Variants in RORA observed in about 807,000 individuals in gnomAD.
RORA encodes the protein RAR related orphan receptor A, also known as nuclear receptor ROR-alpha.
In RORA, 7 loss-of-function variants were observed where a neutral mutation model predicts 69.5. That is an observed-to-expected ratio of 0.10 (90% CI 0.06 to 0.19). RORA has a LOEUF of 0.19. Among genes scored for constraint, RORA ranks in the 10% least tolerant of loss-of-function variants. The pLI is 1.00. For missense variants in RORA, 457 were observed against 663.0 expected (o/e 0.69, Z 3.41); for synonymous variants, 261 against 240.8 (o/e 1.08, Z -0.78).
intron 3 of RORA, among the ~76,000 whole-genome samples, chr15:60,527,068 G>T (rs563831637): frequency 1.3e-5 from 2 of 152,302 alleles, no homozygotes; most frequent in East Asian, 3.9e-4. Flanking sequence ...GTATTGATTG[G>T]TAAGTGTATA....
rs1293177546 is a variant in RORA at position 60,521,278 on chromosome 15, C to T, written c.283-6521G>A. Among the ~76,000 whole-genome samples the T allele has an allele frequency of 5.4e-5, 8 of 149,368 alleles. No individual in the cohort carries two copies. In the East Asian group the frequency reaches 7.8e-4, roughly 14 times the overall value. On this transcript the variant is annotated intron_variant, in intron 3 of 10. Transcript: ENST00000335670. The stretch of plus-strand genomic sequence containing the variant: ...TTTTTTTTGAGACGGAGTCTTGGTC[C>T]GTCACCAGGCTGGAGTGCAGTGGCA...
chr15:61,211,435 AGGCCTTCCC>A (rs2079990946), intron 1 of RORA, among the ~76,000 whole-genome samples: 1 of 152,208 alleles, frequency 6.6e-6, no homozygotes, highest in East Asian at 1.9e-4. Context: ...TGGCATCCCA[AGGCCTTCCC>A]ACTGTCAGAT....
chr15:61,062,403 C>T (rs1398802194), intron 1 of RORA, among the ~76,000 whole-genome samples: 2 of 152,194 alleles, frequency 1.3e-5, no homozygotes, highest in Admixed American at 6.5e-5. Flanking sequence ...CTGCAGCCTG[C>T]CTCTCTGTGC....
chr15:61,089,851 G>C (rs1699038081), intron 1 of RORA, among the ~76,000 whole-genome samples: 1 of 150,910 alleles, frequency 6.6e-6, no homozygotes, highest in Non-Finnish European at 1.5e-5. Flanking sequence ...TCATCAAGCT[G>C]TTGGCAAATA....
At chr15:61,103,072 C>T (rs2140756088) in intron 1 of RORA, among the ~76,000 whole-genome samples, 1 of 152,368 alleles carries the variant, frequency 6.6e-6, no homozygotes, top group Non-Finnish European at 1.5e-5. Context: ...ACGTTCCTAT[C>T]TCCCGTATTC....
At chr15:60,684,212 C>T (rs2070702802) in intron 1 of RORA, among the ~76,000 whole-genome samples, 1 of 152,076 alleles carries the variant, frequency 6.6e-6, no homozygotes, top group African/African-American at 2.4e-5. Context: ...TGCCACTCTG[C>T]CACTTTGCCA....
chr15:60,868,569 T>C (rs1197316882), intron 1 of RORA, among the ~76,000 whole-genome samples: 1 of 152,148 alleles, frequency 6.6e-6, no homozygotes, highest in Non-Finnish European at 1.5e-5. Flanking sequence ...CCTGCCTGTG[T>C]GGCTACTGTG....
chr15:60,494,748 C>G lies in RORA; in HGVS notation c.*2707G>C, dbSNP rs1457444099. 1 of 152,178 alleles carries G rather than the reference C, an allele frequency of 6.6e-6. No homozygotes were observed. The highest frequency in any genetic ancestry group is 1.5e-5 in the Non-Finnish European group (1 of 68,036). The allele number at this position is 152,178 out of a possible 1,614,324, so 9.4% of individuals were successfully genotyped here. ...ACCGCTGCTTTTCTTTCAGAAACACCTGGGAAGAAGCATCATATTACCTAT... is the reference window on the plus strand; with the variant it reads ...ACCGCTGCTTTTCTTTCAGAAACACGTGGGAAGAAGCATCATATTACCTAT... On this transcript the variant is annotated 3_prime_UTR_variant, in exon 11 of 11. Coordinates refer to ENST00000335670, the MANE Select transcript of RORA (RefSeq NM_134261.3).
intron 1 of RORA, among the ~76,000 whole-genome samples, chr15:60,779,295 T>C (rs934770750): frequency 6.6e-6 from 1 of 152,120 alleles, no homozygotes; most frequent in African/African-American, 2.4e-5. Context: ...CTCTTATCTT[T>C]TTGCATCCTC....
intron 1 of RORA, among the ~76,000 whole-genome samples, chr15:60,832,118 T>C (rs563870983): frequency 3.3e-5 from 5 of 152,352 alleles, no homozygotes; most frequent in East Asian, 1.9e-4. Context: ...CCTTCTTCCA[T>C]AGCCAGAATA....
At chr15:61,159,350 G>A (rs2079474104) in intron 1 of RORA, among the ~76,000 whole-genome samples, 1 of 152,136 alleles carries the variant, frequency 6.6e-6, no homozygotes, top group African/African-American at 2.4e-5. Flanking sequence ...TTTAACCTGA[G>A]AGATAAAATT....
At chr15:60,843,456 T>A (rs1422367293) in intron 1 of RORA, among the ~76,000 whole-genome samples, 2 of 151,924 alleles carry the variant, frequency 1.3e-5, no homozygotes, top group African/African-American at 4.8e-5. Context: ...CCAAGGCCTT[T>A]TCTCCCAGGC....
At chr15:61,045,442 T>G (rs1481197965) in intron 1 of RORA, among the ~76,000 whole-genome samples, 2 of 152,314 alleles carry the variant, frequency 1.3e-5, no homozygotes, top group East Asian at 1.9e-4. Context: ...GTTAAGCACT[T>G]TAATGACTGA....
At chr15:60,931,718 T>C (rs1473467848) in intron 1 of RORA, among the ~76,000 whole-genome samples, 1 of 152,154 alleles carries the variant, frequency 6.6e-6, no homozygotes, top group Non-Finnish European at 1.5e-5. Flanking sequence ...CATAAGCAAA[T>C]GTAAGGGCAG....
At chr15:61,008,936 C>A (rs528728227) in intron 1 of RORA, among the ~76,000 whole-genome samples, 1 of 152,114 alleles carries the variant, frequency 6.6e-6, no homozygotes, top group Non-Finnish European at 1.5e-5. Context: ...TAGAAAGACA[C>A]GGGGCATAGA....
chr15:61,222,369 A>G (rs1386508905), intron 1 of RORA, among the ~76,000 whole-genome samples: 6 of 152,178 alleles, frequency 3.9e-5, no homozygotes, highest in African/African-American at 9.7e-5. Context: ...TATGTTAGGA[A>G]AAAAAAATTG....
chr15:61,102,698 A>C (rs2078896752), intron 1 of RORA, among the ~76,000 whole-genome samples: 2 of 152,160 alleles, frequency 1.3e-5, no homozygotes, highest in South Asian at 4.1e-4. Flanking sequence ...ACAATCACTC[A>C]ACCTGCTCTT....
chr15:61,214,904 C>T (rs1432099500), intron 1 of RORA, among the ~76,000 whole-genome samples: 1 of 130,986 alleles, frequency 7.6e-6, no homozygotes, highest in Non-Finnish European at 1.5e-5. Context: ...CTTGCTGTGT[C>T]CCCAGGCTGG....
intron 4 of RORA, among the ~76,000 whole-genome samples, chr15:60,512,768 A>G (rs560367593): frequency 6.6e-6 from 1 of 152,328 alleles, no homozygotes; most frequent in South Asian, 2.1e-4. Context: ...TTTAAAGTGG[A>G]GCAGTCACTA....
Sources: gnomAD v4.1 joint callset for allele counts (sites outside exome capture counted in the v4.1 genomes callset) on GRCh38, gnomAD v4.1.1 for gene constraint, MANE v1.5 for transcripts, NCBI Gene and HGNC (gene_info 2026-07-23, HGNC 2026-07-21) for gene names.